Variants in EPB42 observed in about 807,000 individuals in gnomAD.
The protein encoded by EPB42 is protein 4.2.
In EPB42, 49 loss-of-function variants were observed where a neutral mutation model predicts 76.9. The ratio of observed to expected loss-of-function variants is 0.64; its 90% CI spans 0.51 to 0.81. The LOEUF is 0.81. Among genes scored for constraint, EPB42 ranks in the 30% least tolerant of loss-of-function variants. The pLI, the probability that EPB42 is intolerant of heterozygous loss-of-function variation, is 0.00. For missense variants in EPB42, 731 were observed against 867.6 expected (o/e 0.84, Z 1.98); for synonymous variants, 310 against 338.4 (o/e 0.92, Z 0.92).
upstream of EPB42, chr15:43,221,027 T>C (rs1596424948): frequency 4.9e-6 from 3 of 608,410 alleles, no homozygotes; most frequent in East Asian, 2.9e-5. Flanking sequence ...CTACTCCCTC[T>C]CTGCTGGTAT....
intron 3 of EPB42, among the ~76,000 whole-genome samples, chr15:43,212,332 G>A (rs2042310932): frequency 1.4e-5 from 2 of 140,196 alleles, no homozygotes; most frequent in African/African-American, 2.7e-5. Flanking sequence ...TCATGCCATC[G>A]CACTCCAGCT....
At chr15:43,197,606 G>T in intron 12 of EPB42, 142 bp from the exon 13 acceptor site, 1 of 992,958 alleles carries the variant, frequency 1.0e-6, no homozygotes, top group Non-Finnish European at 1.5e-6. Flanking sequence ...AAATGGAAGT[G>T]TTTATAAAGG....
At chr15:43,203,819 A>G (rs540895109) in intron 10 of EPB42, among the ~76,000 whole-genome samples, 3 of 152,256 alleles carry the variant, frequency 2.0e-5, no homozygotes, top group South Asian at 4.1e-4. Context: ...TCATCTGTAA[A>G]GTGGGGATAG....
intron 8 of EPB42, 67 bp downstream of exon 8, chr15:43,208,163 G>C (rs1364418690): frequency 8.4e-6 from 12 of 1,426,690 alleles, no homozygotes; most frequent in Non-Finnish European, 2.0e-6. Context: ...TGCTGCTCCC[G>C]AGTCCTCTCT....
At chr15:43,208,199 G>A in intron 8 of EPB42, 31 bp downstream of exon 8, 1 of 1,596,854 alleles carries the variant, frequency 6.3e-7, no homozygotes, top group Non-Finnish European at 8.6e-7. Context: ...GTGCAGCCCT[G>A]CGTGGTCCTG....
At position 43,201,890 on chromosome 15, in the gene EPB42, TCA is replaced by T; in HGVS notation, c.1865_1866del (p.Val622AspfsTer23). On this transcript the variant is annotated frameshift_variant, in exon 12 of 13. Transcript: ENST00000441366. LOFTEE classifies it high-confidence loss of function. ...NSLDAPMEDC[V>X]ISILGRGLIH... ...ATGAGCCCCCTTCCCAGGATGGAGATCACACAGTCCTCCATGGGGGCATCTAG... is the reference window on the plus strand; with the variant it reads ...ATGAGCCCCCTTCCCAGGATGGAGATCACAGTCCTCCATGGGGGCATCTAG... The T allele has an allele frequency of 6.2e-7, 1 of 1,614,100 alleles. No individual in the cohort carries two copies. Among genetic ancestry groups the T allele is most frequent in the Non-Finnish European group, 8.5e-7 (1 of 1,179,970 alleles).
intron 1 of EPB42, among the ~76,000 whole-genome samples, chr15:43,218,249 G>A (rs534843227): frequency 1.3e-5 from 2 of 152,300 alleles, no homozygotes; most frequent in East Asian, 3.9e-4. Flanking sequence ...GAATGCCTTA[G>A]TCACATCCTA....
At position 43,211,528 on chromosome 15, in the gene EPB42, GC is replaced by G; in HGVS notation, c.436del (p.Ala146LeufsTer4). The G allele has an allele frequency of 6.2e-7, 1 of 1,610,850 alleles. No homozygotes were observed. The highest frequency in any genetic ancestry group is 8.5e-7 in the Non-Finnish European group (1 of 1,177,052). ...CTGAGCCTCATTCTTCAGGAACACA[GC>G]ATCCTCTGGTGAGAGGTGGGTAGGG... ...LLFNPWNREDAVFLKNEAQRM... is the reference protein window; with the variant it reads ...LLFNPWNREDXVFLKNEAQRM... On this transcript the variant is annotated frameshift_variant, in exon 4 of 13. Transcript: ENST00000441366. LOFTEE classifies it high-confidence loss of function.
In EPB42 at chr15:43,201,958, T is replaced by C; in HGVS notation, c.1799A>G (p.Gln600Arg). 2 of 1,614,132 alleles carry C rather than the reference T, an allele frequency of 1.2e-6. No homozygotes were observed. The highest frequency in any genetic ancestry group is 1.7e-6 in the Non-Finnish European group (2 of 1,180,000). ...GACTGAGGCTGTGAGGGGTTGATAC[T>C]GCTCTGCTTTCTCTGGCATCTGTGG... is the stretch of plus-strand genomic sequence containing the variant. ...LAIKMPEKAE[Q>R]YQPLTASVSL... is the part of the protein sequence containing the mutation. The change falls in exon 12 of 13, where the codon CAG becomes CGG. Residue 600 changes from glutamine to arginine, a missense_variant. By Grantham distance (43) the Gln-to-Arg change is conservative. Coordinates refer to ENST00000441366, the MANE Select transcript of EPB42 (RefSeq NM_001114134.2).
At chr15:43,205,026 C>T (rs890019434) in intron 10 of EPB42, among the ~76,000 whole-genome samples, 5 of 136,488 alleles carry the variant, frequency 3.7e-5, no homozygotes, top group African/African-American at 1.3e-4. Flanking sequence ...AAGAAGCACT[C>T]TTCTTATATG....
intron 7 of EPB42, 49 bp downstream of exon 7, chr15:43,208,588 G>T (rs1156308949): frequency 1.5e-5 from 24 of 1,613,132 alleles, no homozygotes; most frequent in Admixed American, 3.3e-5. Context: ...TGCTATGCAG[G>T]GTTGGAGCCC....
In EPB42 at chr15:43,215,126, C is replaced by T. The variant is rs554566564; in HGVS notation, c.399G>A (p.Gln133=). 7.9e-5 allele frequency: 128 copies of T among 1,614,228 alleles called. 2 individuals carry two copies. In the South Asian group the frequency reaches 1.4e-3, roughly 18 times the overall value. The part of the protein sequence containing the change: ...VSGRKQLLLG[Q]FTLLFNPWNR... ...TCCAGGGGTTAAAAAGCAGTGTGAA[C>T]TGACCCAAGAGGAGTTGCTTCCTGC... The change falls in exon 3 of 13, where the codon CAG becomes CAA. Residue 133 remains glutamine, a synonymous_variant. Transcript: ENST00000441366.
chr15:43,202,157 G>T (rs1243752399), intron 11 of EPB42, among the ~76,000 whole-genome samples, 180 bp from the exon 12 acceptor site: 1 of 152,072 alleles, frequency 6.6e-6, no homozygotes, highest in Non-Finnish European at 1.5e-5. Flanking sequence ...TCCCACCCTT[G>T]GTCCTTCACT....
intron 5 of EPB42, among the ~76,000 whole-genome samples, chr15:43,210,034 A>G (rs542316747): frequency 4.4e-4 from 67 of 152,058 alleles, no homozygotes; most frequent in African/African-American, 1.4e-3. Context: ...GGCCCTACCC[A>G]CTCCTTCCCA....
rs144110132 is a variant in EPB42, at chr15:43,211,467, G to A, written c.498C>T (p.Ile166=). The part of the protein sequence containing the change: ...MEYLLNQNGL[I]YLGTADCIQA... ...GGATGCAGTCAGCTGTACCCAGGTA[G>A]ATGAGACCATTCTGGTTCAACAAGT... Residue 166 remains isoleucine (I), a synonymous_variant, in exon 4 of 13, where the codon ATC becomes ATT. Coordinates refer to ENST00000441366, the MANE Select transcript of EPB42 (RefSeq NM_001114134.2). 39 of 1,614,042 alleles carry A rather than the reference G, an allele frequency of 2.4e-5. No individual in the cohort carries two copies. Among genetic ancestry groups the A allele is most frequent in the Middle Eastern group, 1.6e-4 (1 of 6,084 alleles).
chr15:43,208,828 G>T, intron 6 of EPB42, 53 bp from the exon 7 acceptor site: 4 of 1,588,390 alleles, frequency 2.5e-6, no homozygotes, highest in Non-Finnish European at 3.4e-6. Context: ...CGGGCTGGGG[G>T]CGTGTGGGAG....
Position 43,220,921 on chromosome 15 carries a change from A to G in EPB42, c.-96T>C, listed in dbSNP as rs1182729917. ...CTTCTGGGCTTTCTGTCTTCCAGAC[A>G]GAAAATATGAAGGCACTTTTGTTGG... is the stretch of plus-strand genomic sequence containing the variant. On this transcript the variant is annotated 5_prime_UTR_variant, in exon 1 of 13. Coordinates refer to ENST00000441366, the MANE Select transcript of EPB42 (RefSeq NM_001114134.2). The G allele has an allele frequency of 1.7e-6, 2 of 1,203,308 alleles. No homozygotes were observed. The highest frequency in any genetic ancestry group is 2.3e-5 in the East Asian group (1 of 42,854). The allele number at this position is 1,203,308 out of a possible 1,614,324, so 74.5% of individuals were successfully genotyped here.
In EPB42 at chr15:43,202,032, CT is replaced by C; in HGVS notation, c.1780-56del. On this transcript the variant is annotated intron_variant, in intron 11 of 12. Transcript: ENST00000441366. ...TGCCAAGGGCACAGCTGCAGTCACT[CT>C]CTCCTCCCATGCACCCCTGTACCCT... The C allele has an allele frequency of 1.9e-6, 3 of 1,612,136 alleles. No homozygotes were observed. The East Asian group carries it at 6.7e-5, about 36-fold the overall frequency.
chr15:43,203,154 C>T lies in EPB42; in HGVS notation c.1740G>A (p.Gln580=). The T allele has an allele frequency of 6.2e-7, 1 of 1,614,046 alleles. No homozygotes were observed. The highest frequency in any genetic ancestry group is 8.5e-7 in the Non-Finnish European group (1 of 1,180,014). Residue 580 remains glutamine (Q), a synonymous_variant, in exon 11 of 13, where the codon CAG becomes CAA. Coordinates refer to ENST00000441366, the MANE Select transcript of EPB42 (RefSeq NM_001114134.2). ...HSESNLSCFA[Q]EDIAICRPHL... ...GTGGTCTACAAATGGCAATGTCTTC[C>T]TGAGCAAAGCAGCTAAGGTTGGATT...
Sources: allele counts gnomAD v4.1 joint callset (sites outside exome capture counted in the v4.1 genomes callset), GRCh38; gene constraint gnomAD v4.1.1; transcripts MANE v1.5; gene names NCBI Gene and HGNC (gene_info 2026-07-23, HGNC 2026-07-21).